The following SLC39A11 variants were observed in gnomAD, a reference collection of about 807,000 sequenced individuals.
The protein encoded by SLC39A11 is solute carrier family 39 member 11, also known as zinc transporter ZIP11.
Under a neutral mutation model 36.1 loss-of-function variants are expected in SLC39A11, and 33 were observed. The ratio of observed to expected loss-of-function variants is 0.91; its 90% CI spans 0.69 to 1.22. The LOEUF is 1.22. Among genes scored for constraint, SLC39A11 ranks in the 50% most tolerant of loss-of-function variants. SLC39A11 has a pLI of 0.00. For synonymous variants in SLC39A11, 166 were observed against 170.3 expected (o/e 0.97, Z 0.20); for missense variants, 432 against 430.3 (o/e 1.00, Z -0.03).
intron 5 of SLC39A11, among the ~76,000 whole-genome samples, chr17:72,850,465 A>C (rs1258424750): frequency 9.4e-6 from 1 of 106,214 alleles, no homozygotes; most frequent in African/African-American, 3.1e-5. Context: ...AAAAAGAAAA[A>C]GAAAAAAAAA....
At chr17:73,042,007 T>C (rs2059126629) in intron 3 of SLC39A11, among the ~76,000 whole-genome samples, 1 of 151,582 alleles carries the variant, frequency 6.6e-6, no homozygotes, top group Admixed American at 6.6e-5. Flanking sequence ...CAGCATAGAA[T>C]GATTTAAAAA....
Position 72,849,626 on chromosome 17 carries a change from G to A in SLC39A11, c.601+8C>T. ...CAGTGGCTGTCACGCTCACGGGCAA[G>A]ACCTCACCTGGAACGTTGTGTATAG... is the stretch of plus-strand genomic sequence containing the variant. On this transcript the variant is annotated splice_region_variant and intron_variant, in intron 6 of 9. Transcript: ENST00000255559. The A allele has an allele frequency of 2.7e-6, 4 of 1,489,830 alleles. No individual in the cohort carries two copies. The highest frequency in any genetic ancestry group is 1.4e-5 in the South Asian group (1 of 71,958). 92.3% of individuals were successfully genotyped at this position (1,489,830 alleles called of 1,614,324 possible).
intron 4 of SLC39A11, among the ~76,000 whole-genome samples, chr17:72,976,853 AAAAAAAG>A (rs2087889804): frequency 2.0e-5 from 3 of 152,302 alleles, no homozygotes; most frequent in East Asian, 1.9e-4. Flanking sequence ...CGTCTCAAAA[AAAAAAAG>A]AAAAAAGAAA....
chr17:72,759,111 C>CAATAAT (rs201799463), intron 6 of SLC39A11, among the ~76,000 whole-genome samples: 30 of 144,548 alleles, frequency 2.1e-4, no homozygotes, highest in Non-Finnish European at 3.0e-4. Flanking sequence ...AAAATAATAA[C>CAATAAT]AATAATAATA....
intron 5 of SLC39A11, among the ~76,000 whole-genome samples, chr17:72,927,259 G>A (rs987881956): frequency 1.2e-4 from 18 of 151,816 alleles, no homozygotes; most frequent in African/African-American, 2.2e-4. Flanking sequence ...ATGGGGTTTC[G>A]CCATGTTGGC....
At chr17:72,752,013 C>T (rs1206501874) in intron 6 of SLC39A11, among the ~76,000 whole-genome samples, 2 of 152,188 alleles carry the variant, frequency 1.3e-5, no homozygotes, top group Non-Finnish European at 2.9e-5. Context: ...CCTCAGGTGT[C>T]TCGCAGAGCA....
At chr17:73,088,070 C>T (rs376089164) in intron 2 of SLC39A11, among the ~76,000 whole-genome samples, 7 of 152,002 alleles carry the variant, frequency 4.6e-5, no homozygotes, top group Non-Finnish European at 7.4e-5. Flanking sequence ...TGTGGGAGGC[C>T]GAGGTGGGTG....
chr17:72,843,919 G>A (rs1288492254), intron 6 of SLC39A11, among the ~76,000 whole-genome samples: 1 of 152,002 alleles, frequency 6.6e-6, no homozygotes, highest in Non-Finnish European at 1.5e-5. Flanking sequence ...CCGGGAGATA[G>A]GCTACTATTA....
In SLC39A11 at chr17:72,663,667, A is replaced by G. The variant is rs2070586329; in HGVS notation, c.672-14399T>C. 2.0e-5 allele frequency among the ~76,000 whole-genome samples: 3 copies of G among 152,092 alleles called. No homozygotes were observed. In the South Asian group the frequency reaches 6.2e-4, roughly 32 times the overall value. ...AGGGCCTCAGTCTCATTTCCTGCGG[A>G]CCTGGCATGTGGACAGTCTCCTTAG... On this transcript the variant is annotated intron_variant, in intron 7 of 9. Coordinates refer to ENST00000255559, the MANE Select transcript of SLC39A11 (RefSeq NM_139177.4).
rs2090150407 is a variant in SLC39A11 at position 73,005,895 on chromosome 17, G to A, written c.306+25661C>T. The stretch of plus-strand genomic sequence containing the variant: ...GAACCTGGGAGGTGGAGGTTGCAGT[G>A]AGCCGAGATCACACCACTGCACTCC... On this transcript the variant is annotated intron_variant, in intron 4 of 9. Transcript: ENST00000255559. Among the ~76,000 whole-genome samples, 3 of 150,252 alleles carry A rather than the reference G, an allele frequency of 2.0e-5. No homozygotes were observed. The South Asian group carries it at 6.4e-4, about 32-fold the overall frequency.
At chr17:72,786,861 C>T (rs910891053) in intron 6 of SLC39A11, among the ~76,000 whole-genome samples, 3 of 152,070 alleles carry the variant, frequency 2.0e-5, no homozygotes, top group African/African-American at 7.2e-5. Flanking sequence ...ACTTTTTCAC[C>T]CGGGCTGAAG....
intron 5 of SLC39A11, among the ~76,000 whole-genome samples, chr17:72,922,273 T>C (rs2083713209): frequency 6.6e-6 from 1 of 152,250 alleles, no homozygotes; most frequent in Non-Finnish European, 1.5e-5. Flanking sequence ...TCACATTTAT[T>C]ATTCTAAGGA....
chr17:72,886,733 C>A (rs1184312872), intron 5 of SLC39A11, among the ~76,000 whole-genome samples: 3 of 152,160 alleles, frequency 2.0e-5, no homozygotes, highest in Non-Finnish European at 4.4e-5. Context: ...GTGGTCCCTG[C>A]CCGCTGGAAC....
chr17:72,770,891 G>C (rs1238070828), intron 6 of SLC39A11, among the ~76,000 whole-genome samples: 1 of 152,168 alleles, frequency 6.6e-6, no homozygotes, highest in East Asian at 1.9e-4. Flanking sequence ...TGCACAGCTT[G>C]CACTTCTGAG....
At chr17:72,974,897 T>C (rs887723820) in intron 4 of SLC39A11, among the ~76,000 whole-genome samples, 1 of 152,320 alleles carries the variant, frequency 6.6e-6, no homozygotes. Flanking sequence ...ATACTTGTCA[T>C]TGTGTTACAG....
At chr17:72,833,678 G>A (rs769301942) in intron 6 of SLC39A11, among the ~76,000 whole-genome samples, 3 of 152,188 alleles carry the variant, frequency 2.0e-5, no homozygotes, top group Non-Finnish European at 2.9e-5. Context: ...GGCTTGGGCT[G>A]GGGTGAGGAG....
At chr17:72,855,703 T>C (rs749317355) in intron 5 of SLC39A11, among the ~76,000 whole-genome samples, 6 of 151,856 alleles carry the variant, frequency 4.0e-5, no homozygotes, top group Admixed American at 1.3e-4. Flanking sequence ...GAGACCATCC[T>C]GGCTAACACA....
chr17:72,793,299 G>T (rs1005705610), intron 6 of SLC39A11, among the ~76,000 whole-genome samples: 2 of 152,140 alleles, frequency 1.3e-5, no homozygotes, highest in Non-Finnish European at 2.9e-5. Flanking sequence ...TGCAACAAGG[G>T]TGACAGACAG....
At chr17:72,784,316 G>A (rs1398419794) in intron 6 of SLC39A11, among the ~76,000 whole-genome samples, 1 of 152,170 alleles carries the variant, frequency 6.6e-6, no homozygotes, top group East Asian at 1.9e-4. Context: ...CGATACGCCA[G>A]CCTGGGCAAG....
Sources: gnomAD v4.1 joint callset for allele counts (sites outside exome capture counted in the v4.1 genomes callset) on GRCh38, gnomAD v4.1.1 for gene constraint, MANE v1.5 for transcripts, NCBI Gene and HGNC (gene_info 2026-07-23, HGNC 2026-07-21) for gene names.